SLC7A14: variants seen among roughly 807,000 people sequenced by gnomAD.
SLC7A14 encodes the protein gamma-aminobutyric acid transporter SLC7A14.
Under a neutral mutation model 60.2 loss-of-function variants are expected in SLC7A14, and 37 were observed. That is an observed-to-expected ratio of 0.61 (90% CI 0.47 to 0.81). SLC7A14 has a LOEUF of 0.81. Ranked by LOEUF, SLC7A14 falls within the 30% of genes least tolerant of loss-of-function variation. SLC7A14 has a pLI of 0.00. For missense variants in SLC7A14, 886 were observed against 982.7 expected (o/e 0.90, Z 1.32); for synonymous variants, 399 against 395.8 (o/e 1.01, Z -0.10).
At chr3:170,485,257 T>C (rs1421859859) in intron 5 of SLC7A14, among the ~76,000 whole-genome samples, 1 of 152,220 alleles carries the variant, frequency 6.6e-6, no homozygotes, top group Non-Finnish European at 1.5e-5. Flanking sequence ...GTTTGCCCTG[T>C]GTTTTTCTCT....
At chr3:170,486,442 T>G (rs1712034362) in intron 4 of SLC7A14, 74 bp from the exon 5 acceptor site, 1 of 1,590,148 alleles carries the variant, frequency 6.3e-7, no homozygotes. Context: ...GAAAGTGCAA[T>G]TGCTCTATGC....
rs1004592605 is a variant in SLC7A14 at position 170,483,406 on chromosome 3, C to A, written c.1023G>T (p.Gly341=). 6.2e-6 allele frequency: 10 copies of A among 1,614,114 alleles called. 1 individual carries two copies. Among genetic ancestry groups the A allele is most frequent in the South Asian group, 3.3e-5 (3 of 91,090 alleles). Residue 341 remains glycine, a synonymous_variant, in exon 6 of 8, where the codon GGG becomes GGT. Coordinates refer to ENST00000231706, the MANE Select transcript of SLC7A14 (RefSeq NM_020949.3). The part of the protein sequence containing the change: ...FYAAKFVVAI[G]SVAGLTVSLL... ...AGCTGACTGTCAGTCCTGCAACCGACCCAATGGCCACTACGAATTTGGCAG... is the reference window on the plus strand; with the variant it reads ...AGCTGACTGTCAGTCCTGCAACCGAACCAATGGCCACTACGAATTTGGCAG...
intron 1 of SLC7A14, among the ~76,000 whole-genome samples, chr3:170,568,322 T>C (rs1450547631): frequency 1.3e-5 from 2 of 152,316 alleles, no homozygotes; most frequent in Non-Finnish European, 2.9e-5. Context: ...TAGTTGTAGA[T>C]ATGCGGTGTT....
intron 3 of SLC7A14, among the ~76,000 whole-genome samples, chr3:170,499,904 T>C (rs1174709222): frequency 6.6e-6 from 1 of 152,206 alleles, no homozygotes; most frequent in Non-Finnish European, 1.5e-5. Context: ...TGGCCTGATT[T>C]TGGAGGACTC....
intron 4 of SLC7A14, chr3:170,496,173 A>T (rs892986989): frequency 3.6e-5 from 33 of 911,180 alleles, no homozygotes; most frequent in Non-Finnish European, 5.9e-5. Context: ...GGTGCTGTCC[A>T]TGGACAACAG....
In SLC7A14 at chr3:170,579,057, C is replaced by T. The variant is rs1035171724; in HGVS notation, c.-153+6854G>A. Among the ~76,000 whole-genome samples, 8 of 152,320 alleles carry T rather than the reference C, an allele frequency of 5.3e-5. No individual in the cohort carries two copies. The South Asian group carries it at 1.7e-3, about 32-fold the overall frequency. ...TCTGAAATCCAAACACATACTCTTT[C>T]CTACTCCCTGAATCTTTGAGAAAAG... On this transcript the variant is annotated intron_variant, in intron 1 of 7. Transcript: ENST00000231706.
intron 1 of SLC7A14, among the ~76,000 whole-genome samples, chr3:170,540,726 C>G (rs1366395555): frequency 1.3e-5 from 2 of 152,140 alleles, no homozygotes; most frequent in African/African-American, 2.4e-5. Context: ...TCTTTCAATG[C>G]TAACAGCCCT....
At chr3:170,519,503 G>A (rs1410757875) in intron 2 of SLC7A14, among the ~76,000 whole-genome samples, 4 of 152,214 alleles carry the variant, frequency 2.6e-5, no homozygotes, top group Non-Finnish European at 5.9e-5. Flanking sequence ...GGGGCCAGGC[G>A]CAGTGGCTCA....
At chr3:170,548,515 A>T (rs1299271835) in intron 1 of SLC7A14, among the ~76,000 whole-genome samples, 1 of 152,212 alleles carries the variant, frequency 6.6e-6, no homozygotes, top group Non-Finnish European at 1.5e-5. Context: ...GGGTCTTCAC[A>T]GTAGCTGCTG....
In SLC7A14 at chr3:170,532,704, A is replaced by G. The variant is rs1425009928; in HGVS notation, c.-152-5616T>C. Among the ~76,000 whole-genome samples the G allele has an allele frequency of 6.7e-6, 1 of 149,214 alleles. No homozygotes were observed. Among genetic ancestry groups the G allele is most frequent in the African/African-American group, 2.5e-5 (1 of 40,506 alleles). On this transcript the variant is annotated intron_variant, in intron 1 of 7. Coordinates refer to ENST00000231706, the MANE Select transcript of SLC7A14 (RefSeq NM_020949.3). The surrounding 1 kb of genome is among the most constrained non-coding windows in gnomAD (Gnocchi z 4.0). ...TTTTTTGTTGTTGTTGTTCCCTGCT[A>G]CTGACACCCTTCCCACCACCTTCAC... is the stretch of plus-strand genomic sequence containing the variant.
chr3:170,534,595 T>A (rs1473791496), intron 1 of SLC7A14, among the ~76,000 whole-genome samples: 2 of 152,216 alleles, frequency 1.3e-5, no homozygotes, highest in Non-Finnish European at 2.9e-5. Context: ...TGGGCAGATA[T>A]CTGTACATCT....
At chr3:170,583,192 T>C (rs953645366) in intron 1 of SLC7A14, among the ~76,000 whole-genome samples, 4 of 152,118 alleles carry the variant, frequency 2.6e-5, no homozygotes, top group African/African-American at 9.7e-5. Context: ...AGAGGAGATA[T>C]AGACAAGATA....
intron 1 of SLC7A14, among the ~76,000 whole-genome samples, chr3:170,584,630 C>G (rs535000151): frequency 3.9e-5 from 6 of 152,192 alleles, no homozygotes; most frequent in African/African-American, 1.4e-4. Context: ...GCTTAGAACC[C>G]TTTAGGGTTC....
At chr3:170,487,606 T>C (rs952172632) in intron 4 of SLC7A14, among the ~76,000 whole-genome samples, 1 of 152,186 alleles carries the variant, frequency 6.6e-6, no homozygotes, top group Non-Finnish European at 1.5e-5. Flanking sequence ...TAAGACCAAA[T>C]ATGAAATACT....
intron 1 of SLC7A14, among the ~76,000 whole-genome samples, chr3:170,547,287 A>ATT (rs1714208854): frequency 1.3e-5 from 2 of 152,238 alleles, no homozygotes; most frequent in Admixed American, 1.3e-4. Flanking sequence ...ATAAACAAAA[A>ATT]ATATATACCA....
intron 2 of SLC7A14, among the ~76,000 whole-genome samples, chr3:170,520,066 T>G (rs1345431145): frequency 2.0e-5 from 3 of 152,246 alleles, no homozygotes; most frequent in African/African-American, 7.2e-5. Flanking sequence ...TTTTGTTGTC[T>G]GCAATTGAAT....
At chr3:170,518,148 T>C (rs1300317875) in intron 2 of SLC7A14, among the ~76,000 whole-genome samples, 1 of 152,054 alleles carries the variant, frequency 6.6e-6, no homozygotes, top group Non-Finnish European at 1.5e-5. Flanking sequence ...ACTAAAGTCA[T>C]CCCTCCCTCC....
chr3:170,465,028 A>G lies in SLC7A14; in HGVS notation c.*2027T>C, dbSNP rs1739684854. On this transcript the variant is annotated 3_prime_UTR_variant, in exon 8 of 8. Coordinates refer to ENST00000231706, the MANE Select transcript of SLC7A14 (RefSeq NM_020949.3). The stretch of plus-strand genomic sequence containing the variant: ...GTTTATAATTAATTCCTAATGCTGT[A>G]TTTCACAGAGTAGGCACTGTATCTT... 1 of 152,232 alleles carries G rather than the reference A, an allele frequency of 6.6e-6. No homozygotes were observed. Among genetic ancestry groups the G allele is most frequent in the Non-Finnish European group, 1.5e-5 (1 of 68,036 alleles). The allele number at this position is 152,232 out of a possible 1,614,324, so 9.4% of individuals were successfully genotyped here.
intron 4 of SLC7A14, chr3:170,496,381 T>A (rs373451686): frequency 5.6e-6 from 8 of 1,416,546 alleles, no homozygotes. Context: ...ATCAGCCGGC[T>A]CCAGGCTGAG....
Sources: allele counts gnomAD v4.1 joint callset (sites outside exome capture counted in the v4.1 genomes callset), GRCh38; gene constraint gnomAD v4.1.1; non-coding constraint Gnocchi (gnomAD v3.1); transcripts MANE v1.5; gene names NCBI Gene and HGNC (gene_info 2026-07-23, HGNC 2026-07-21).